ZNF407: variants seen among roughly 807,000 people sequenced by gnomAD.
ZNF407 encodes zinc finger protein 407.
ZNF407 carries 17 observed loss-of-function variants against 131.2 expected under a neutral mutation model. The ratio of observed to expected loss-of-function variants is 0.13; its 90% confidence interval spans 0.09 to 0.19. The LOEUF (loss-of-function observed/expected upper bound fraction) is 0.19, where lower values mean the gene tolerates loss of function less well. Among genes scored for constraint, ZNF407 ranks in the 10% least tolerant of loss-of-function variants. The pLI, the probability that ZNF407 is intolerant of heterozygous loss-of-function variation, is 1.00. For missense variants in ZNF407, 2,681 were observed against 2,830.6 expected (o/e 0.95, Z 1.20); for synonymous variants, 1,156 against 1,062.0 (o/e 1.09, Z -1.72).
chr18:74,893,359 A>C (rs1321311939), intron 7 of ZNF407, among the ~76,000 whole-genome samples: 1 of 152,178 alleles, frequency 6.6e-6, no homozygotes, highest in Non-Finnish European at 1.5e-5. Context: ...TTATTAATGA[A>C]AGTAAATGGT....
At chr18:74,857,360 C>T (rs545595154) in intron 4 of ZNF407, among the ~76,000 whole-genome samples, 31 of 152,116 alleles carry the variant, frequency 2.0e-4, no homozygotes, top group Non-Finnish European at 4.0e-4. Context: ...TCATATTCTT[C>T]CTTAATATTT....
chr18:74,756,536 T>C (rs1347165684), intron 3 of ZNF407, among the ~76,000 whole-genome samples: 1 of 152,244 alleles, frequency 6.6e-6, no homozygotes, highest in East Asian at 1.9e-4. Context: ...CTTCTATTGG[T>C]AAATTTACTT....
chr18:74,776,966 G>A (rs990956840), intron 3 of ZNF407, among the ~76,000 whole-genome samples: 10 of 152,182 alleles, frequency 6.6e-5, no homozygotes, highest in Admixed American at 3.3e-4. Flanking sequence ...GTAGGAGGGA[G>A]AGGTTGGCCT....
In ZNF407 at chr18:74,958,074, C is replaced by T. The variant is rs561199111; in HGVS notation, c.5428+37382C>T. ...TTGGAGAACCATAACCCACGTCTCA[C>T]TTACACTGTGAAGTGGTCTAAAAAT... On this transcript the variant is annotated intron_variant, in intron 8 of 8. Transcript: ENST00000299687. Among the ~76,000 whole-genome samples, 50 of 152,320 alleles carry T rather than the reference C, an allele frequency of 3.3e-4. 1 individual carries two copies. The highest frequency in any genetic ancestry group is 1.0e-3 in the African/African-American group (43 of 41,578).
intron 8 of ZNF407, among the ~76,000 whole-genome samples, chr18:74,985,141 T>C (rs2122124294): frequency 6.6e-6 from 1 of 152,382 alleles, no homozygotes; most frequent in South Asian, 2.1e-4. Context: ...CTTTTCTTTA[T>C]ACATTTTGTT....
At chr18:74,800,204 T>G (rs968036677) in intron 4 of ZNF407, among the ~76,000 whole-genome samples, 1 of 152,080 alleles carries the variant, frequency 6.6e-6, no homozygotes, top group Non-Finnish European at 1.5e-5. Flanking sequence ...TAGACTTACT[T>G]AAATTTCATG....
chr18:74,865,277 G>C (rs1040661778), intron 4 of ZNF407, among the ~76,000 whole-genome samples: 1 of 150,826 alleles, frequency 6.6e-6, no homozygotes, highest in Non-Finnish European at 1.5e-5. Flanking sequence ...GTTTTAAAAA[G>C]AGAGACAGTA....
At chr18:74,611,071 C>T (rs1983038306) in intron 1 of ZNF407, among the ~76,000 whole-genome samples, 1 of 152,102 alleles carries the variant, frequency 6.6e-6, no homozygotes, top group African/African-American at 2.4e-5. Flanking sequence ...TGGTCCTTAC[C>T]AAACAGGAAA....
chr18:74,922,608 A>G (rs1971860808), intron 8 of ZNF407, among the ~76,000 whole-genome samples: 1 of 152,224 alleles, frequency 6.6e-6, no homozygotes, highest in Non-Finnish European at 1.5e-5. Flanking sequence ...AGTTCTGCAG[A>G]AAGGGGTTTG....
intron 7 of ZNF407, chr18:74,905,394 G>T (rs1055009467): frequency 3.3e-5 from 5 of 152,250 alleles, no homozygotes; most frequent in African/African-American, 1.2e-4. Flanking sequence ...AGAGGCCAGC[G>T]CAGCGCCTGC....
rs1201847076 is a variant in ZNF407 at position 75,063,249 on chromosome 18, C to T, written c.5528C>T (p.Pro1843Leu). 2 of 1,613,580 alleles carry T rather than the reference C, an allele frequency of 1.2e-6. No homozygotes were observed. The highest frequency in any genetic ancestry group is 1.1e-5 in the South Asian group (1 of 91,076). ...ACCGCGGCGGCCTTGGCAGAAGAGC[C>T]CCTCGTCAAGGAGAAGCCCCTCAGA... ...PFTAAALAEE[P>L]LVKEKPLRSS... Residue 1843 changes from proline (P) to leucine (L), a missense_variant, in exon 9 of 9, where the codon CCC becomes CTC. Coordinates refer to ENST00000299687, the MANE Select transcript of ZNF407 (RefSeq NM_017757.3). The surrounding 1 kb of genome is among the most constrained non-coding windows in gnomAD (Gnocchi z 6.6).
At chr18:74,727,469 C>T (rs908837810) in intron 3 of ZNF407, among the ~76,000 whole-genome samples, 4 of 152,118 alleles carry the variant, frequency 2.6e-5, no homozygotes, top group Non-Finnish European at 2.9e-5. Flanking sequence ...TATTAGATAA[C>T]AGTAGGTGGT....
At chr18:74,756,054 C>T (rs184159450) in intron 3 of ZNF407, among the ~76,000 whole-genome samples, 7 of 151,172 alleles carry the variant, frequency 4.6e-5, no homozygotes, top group East Asian at 2.0e-4. Flanking sequence ...CCACCACACC[C>T]GGCTGATTTT....
At chr18:74,886,269 G>T (rs962313723) in intron 6 of ZNF407, among the ~76,000 whole-genome samples, 2 of 152,160 alleles carry the variant, frequency 1.3e-5, no homozygotes, top group African/African-American at 4.8e-5. Flanking sequence ...AACAGGTGTT[G>T]GCGGGGATTT....
chr18:74,911,998 G>T (rs1297165777), intron 7 of ZNF407, among the ~76,000 whole-genome samples: 2 of 152,134 alleles, frequency 1.3e-5, no homozygotes, highest in African/African-American at 4.8e-5. Flanking sequence ...ATTGTTGCCA[G>T]TATTTCAAGA....
chr18:74,740,062 G>T (rs539322519), intron 3 of ZNF407, among the ~76,000 whole-genome samples: 9 of 152,260 alleles, frequency 5.9e-5, no homozygotes, highest in Non-Finnish European at 1.2e-4. Flanking sequence ...ACAACAGATT[G>T]TTTTTTCACA....
At chr18:75,006,651 T>C (rs1160463759) in intron 8 of ZNF407, among the ~76,000 whole-genome samples, 2 of 152,210 alleles carry the variant, frequency 1.3e-5, no homozygotes, top group Non-Finnish European at 2.9e-5. Context: ...TGAAATTTGT[T>C]GTAGCTTGCC....
At chr18:74,777,380 A>C (rs1305816314) in intron 3 of ZNF407, among the ~76,000 whole-genome samples, 1 of 152,102 alleles carries the variant, frequency 6.6e-6, no homozygotes, top group Non-Finnish European at 1.5e-5. Context: ...GTTCCTTCAG[A>C]TGATTAGATG....
intron 3 of ZNF407, among the ~76,000 whole-genome samples, chr18:74,753,981 T>C (rs1042320292): frequency 6.6e-6 from 1 of 152,204 alleles, no homozygotes; most frequent in African/African-American, 2.4e-5. Flanking sequence ...TGGTCCTGAC[T>C]TTTTTTGGTT....
Sources: allele counts gnomAD v4.1 joint callset (sites outside exome capture counted in the v4.1 genomes callset), GRCh38; gene constraint gnomAD v4.1.1; non-coding constraint Gnocchi (gnomAD v3.1); transcripts MANE v1.5; gene names NCBI Gene and HGNC (gene_info 2026-07-23, HGNC 2026-07-21).